The following ADGRL2 variants were observed in gnomAD, a reference collection of about 807,000 sequenced individuals.
ADGRL2 encodes the protein adhesion G protein-coupled receptor L2.
Under a neutral mutation model 157.4 loss-of-function variants are expected in ADGRL2, and 44 were observed. That is an observed-to-expected ratio of 0.28 (90% CI 0.22 to 0.36). The LOEUF is 0.36. ADGRL2 is among the 10% of genes least tolerant of loss of function. The pLI is 1.00. For missense variants in ADGRL2, 1,510 were observed against 1,768.9 expected, an observed-to-expected ratio of 0.85 and a Z score of 2.63; for synonymous variants, 585 against 624.7, an observed-to-expected ratio of 0.94 and a Z score of 0.95.
At chr1:81,908,513 G>C (rs1052289586) in intron 3 of ADGRL2, among the ~76,000 whole-genome samples, 40 of 152,226 alleles carry the variant, frequency 2.6e-4, no homozygotes, top group African/African-American at 8.9e-4. Flanking sequence ...CATATAGGTA[G>C]TTTTTAGGTT....
At chr1:81,538,723 G>A (rs2079806174) in intron 2 of ADGRL2, among the ~76,000 whole-genome samples, 1 of 151,902 alleles carries the variant, frequency 6.6e-6, no homozygotes, top group South Asian at 2.1e-4. Flanking sequence ...CTACATAAAG[G>A]GCTGGGCACA....
At chr1:81,980,901 A>G (rs1294461506) in intron 18 of ADGRL2, 1 of 612,514 alleles carries the variant, frequency 1.6e-6, no homozygotes, top group Admixed American at 2.3e-5. Context: ...CAAATTCGTC[A>G]GTATCATGAA....
At chr1:81,681,499 T>C (rs112159786) in intron 3 of ADGRL2, among the ~76,000 whole-genome samples, 91 of 152,340 alleles carry the variant, frequency 6.0e-4, no homozygotes, top group African/African-American at 2.2e-3. Context: ...CAGATCTATT[T>C]TGAGGTTACT....
intron 2 of ADGRL2, among the ~76,000 whole-genome samples, chr1:81,488,560 T>A (rs1398502639): frequency 2.0e-5 from 3 of 150,952 alleles, no homozygotes; most frequent in Non-Finnish European, 4.4e-5. Context: ...AATACAAAAA[T>A]TAACTGGATA....
At position 81,536,339 on chromosome 1, in the gene ADGRL2, G is replaced by A. The variant is rs528765125; in HGVS notation, c.-247-44537G>A. Among the ~76,000 whole-genome samples, 366 of 152,162 alleles carry A rather than the reference G, an allele frequency of 2.4e-3. 1 individual carries two copies. The highest frequency in any genetic ancestry group is 3.4e-3 in the Non-Finnish European group (231 of 68,004). On this transcript the variant is annotated intron_variant, in intron 2 of 24. Transcript: ENST00000370721. ...TGACAAAATGGAAAATTGAAGAGCC[G>A]TTGAAGAAAAACAAACAAAATTCTC...
intron 1 of ADGRL2, among the ~76,000 whole-genome samples, chr1:81,315,146 CT>C (rs1365416589): frequency 2.0e-5 from 3 of 152,060 alleles, no homozygotes; most frequent in Admixed American, 1.3e-4. Context: ...ATCAGAGTGT[CT>C]GCTTTAAATT....
intron 2 of ADGRL2, among the ~76,000 whole-genome samples, chr1:81,762,068 T>C (rs1222411747): frequency 6.6e-6 from 1 of 152,162 alleles, no homozygotes; most frequent in Non-Finnish European, 1.5e-5. Context: ...TTACAGGAAA[T>C]ACAAGGTTTT....
At position 81,940,897 on chromosome 1, in the gene ADGRL2, T is replaced by C. The variant is rs577580429; in HGVS notation, c.398-1137T>C. On this transcript the variant is annotated intron_variant, in intron 4 of 23. Transcript: ENST00000686636. Reference sequence around the variant, plus strand: ...CAACAAGGATCTTACATAGCCCCCTTCCTAACTTCATAATCTGTTTCTTGA... The same window carrying C: ...CAACAAGGATCTTACATAGCCCCCTCCCTAACTTCATAATCTGTTTCTTGA... Among the ~76,000 whole-genome samples the C allele has an allele frequency of 2.9e-3, 437 of 151,132 alleles. 2 individuals are homozygous for C. Among genetic ancestry groups the C allele is most frequent in the African/African-American group, 9.6e-3 (399 of 41,358 alleles).
intron 2 of ADGRL2, among the ~76,000 whole-genome samples, chr1:81,566,688 A>G (rs1295226417): frequency 2.6e-5 from 4 of 152,142 alleles, no homozygotes; most frequent in African/African-American, 9.6e-5. Flanking sequence ...AATATGCCTT[A>G]CAGGAAAGCC....
intron 2 of ADGRL2, among the ~76,000 whole-genome samples, chr1:81,580,567 T>C (rs777802183): frequency 2.0e-5 from 3 of 152,072 alleles, no homozygotes; most frequent in Non-Finnish European, 4.4e-5. Context: ...GACTGAAATA[T>C]GGTCTATGTT....
intron 1 of ADGRL2, among the ~76,000 whole-genome samples, chr1:81,321,287 C>A (rs1292321216): frequency 6.6e-6 from 1 of 152,186 alleles, no homozygotes; most frequent in Non-Finnish European, 1.5e-5. Flanking sequence ...ACTATATCAG[C>A]AATAAACCTA....
At chr1:81,401,670 T>C (rs2076758385) in intron 1 of ADGRL2, among the ~76,000 whole-genome samples, 1 of 152,172 alleles carries the variant, frequency 6.6e-6, no homozygotes, top group South Asian at 2.1e-4. Context: ...GAGTGCTTGA[T>C]TTCCAAGAAA....
chr1:81,693,989 G>A (rs893195774), intron 3 of ADGRL2, among the ~76,000 whole-genome samples: 4 of 152,074 alleles, frequency 2.6e-5, no homozygotes, highest in African/African-American at 9.7e-5. Flanking sequence ...TTATATGAGG[G>A]ATACAGAGGA....
chr1:81,693,738 A>C (rs2083388136), intron 3 of ADGRL2, among the ~76,000 whole-genome samples: 1 of 152,214 alleles, frequency 6.6e-6, no homozygotes. Context: ...CAGGGAAAAC[A>C]TTAATTCAAA....
At chr1:81,926,188 A>G (rs1356953419) in intron 3 of ADGRL2, among the ~76,000 whole-genome samples, 1 of 152,044 alleles carries the variant, frequency 6.6e-6, no homozygotes, top group Non-Finnish European at 1.5e-5. Context: ...TGACCAATCT[A>G]AAACTGAGGA....
intron 2 of ADGRL2, among the ~76,000 whole-genome samples, chr1:81,459,769 AGTGT>A (rs761536480): frequency 3.6e-4 from 41 of 114,698 alleles, no homozygotes; most frequent in African/African-American, 9.2e-4. Context: ...TATCCTGCTT[AGTGT>A]GTGTATGTGT....
At chr1:81,802,133 G>A (rs1315582861) in intron 1 of ADGRL2, among the ~76,000 whole-genome samples, 2 of 150,770 alleles carry the variant, frequency 1.3e-5, no homozygotes, top group Non-Finnish European at 1.5e-5. Flanking sequence ...GGCCGGCCTC[G>A]GCCCTCTCCG....
chr1:81,806,368 G>T (rs574706030), intron 1 of ADGRL2, among the ~76,000 whole-genome samples: 1 of 152,142 alleles, frequency 6.6e-6, no homozygotes, highest in Admixed American at 6.5e-5. Flanking sequence ...ACAATCAGCA[G>T]AAACATTAAC....
At chr1:81,899,177 C>G (rs895738233) in intron 2 of ADGRL2, among the ~76,000 whole-genome samples, 5 of 152,170 alleles carry the variant, frequency 3.3e-5, no homozygotes, top group Non-Finnish European at 5.9e-5. Context: ...TTTTAAGGAA[C>G]AGAGTTAATG....
Sources: gnomAD v4.1 joint callset for allele counts (sites outside exome capture counted in the v4.1 genomes callset) on GRCh38, gnomAD v4.1.1 for gene constraint, MANE v1.5 for transcripts, NCBI Gene and HGNC (gene_info 2026-07-23, HGNC 2026-07-21) for gene names.